The following JAKMIP2 variants were observed in gnomAD, a reference collection of about 807,000 sequenced individuals.
JAKMIP2 encodes the protein janus kinase and microtubule interacting protein 2.
A neutral mutation model predicts 115.0 loss-of-function variants in JAKMIP2; 25 were observed. The observed-to-expected ratio is 0.22, with a 90% CI of 0.16 to 0.30. The LOEUF is 0.30. Among genes scored for constraint, JAKMIP2 ranks in the 10% least tolerant of loss-of-function variants. JAKMIP2 has a pLI of 1.00. For missense variants in JAKMIP2, 642 were observed against 957.6 expected (o/e 0.67, Z 4.35); for synonymous variants, 334 against 343.6 (o/e 0.97, Z 0.31).
intron 19 of JAKMIP2, among the ~76,000 whole-genome samples, chr5:147,614,115 A>T (rs948746460): frequency 2.6e-5 from 4 of 152,222 alleles, no homozygotes; most frequent in Admixed American, 2.0e-4. Context: ...AAATTACTGC[A>T]GTATCCATTC....
rs146240728 is a variant in JAKMIP2, at chr5:147,660,987, C to A, written c.588G>T (p.Ser196=). 5 of 1,613,866 alleles carry A rather than the reference C, an allele frequency of 3.1e-6. No homozygotes were observed. Among genetic ancestry groups the A allele is most frequent in the South Asian group, 1.1e-5 (1 of 91,040 alleles). The change falls in exon 3 of 22, where the codon TCG becomes TCT. Residue 196 remains serine, a synonymous_variant. Transcript: ENST00000616793. The stretch of plus-strand genomic sequence containing the variant: ...CCCGCTCCGACTCCCACTTGATCTT[C>A]GAGATGGCTTCTTGGTGGGACTGAT... The part of the protein sequence containing the change: ...SEHQSHQEAI[S]KIKWESERDI...
intron 1 of JAKMIP2, among the ~76,000 whole-genome samples, chr5:147,675,104 A>T (rs1486545438): frequency 6.6e-6 from 1 of 152,250 alleles, no homozygotes; most frequent in Non-Finnish European, 1.5e-5. Context: ...AAATGTGCAA[A>T]GGGACAGATA....
intron 1 of JAKMIP2, among the ~76,000 whole-genome samples, chr5:147,772,023 G>A (rs1215275203): frequency 6.6e-6 from 1 of 152,010 alleles, no homozygotes; most frequent in East Asian, 1.9e-4. Flanking sequence ...ACATGTGAAT[G>A]GAAAGATCTG....
At chr5:147,729,773 CA>C (rs368040956) in intron 1 of JAKMIP2, among the ~76,000 whole-genome samples, 19,761 of 83,916 alleles carry the variant, frequency 0.24, 1,286 homozygotes, top group Middle Eastern at 0.35. Context: ...GACTCTGTCT[CA>C]AAAAAAAAAA....
intron 1 of JAKMIP2, among the ~76,000 whole-genome samples, chr5:147,766,461 G>A (rs1057329487): frequency 7.9e-5 from 12 of 152,112 alleles, no homozygotes; most frequent in African/African-American, 2.9e-4. Flanking sequence ...CAATCAGCTG[G>A]TAGCTGAACA....
intron 20 of JAKMIP2, among the ~76,000 whole-genome samples, chr5:147,604,373 A>T (rs565571591): frequency 5.3e-5 from 8 of 152,196 alleles, no homozygotes; most frequent in African/African-American, 1.9e-4. Context: ...TTCCTCATGG[A>T]ACCCATGGGA....
intron 17 of JAKMIP2, among the ~76,000 whole-genome samples, chr5:147,621,082 A>T (rs1756826527): frequency 6.6e-6 from 1 of 152,236 alleles, no homozygotes; most frequent in Non-Finnish European, 1.5e-5. Context: ...ATATTTTTGT[A>T]AGAATGTGAT....
chr5:147,648,572 C>T, intron 4 of JAKMIP2, 98 bp from the exon 5 acceptor site: 1 of 689,430 alleles, frequency 1.5e-6, no homozygotes, highest in Non-Finnish European at 2.6e-6. Context: ...GCTCAGTTCT[C>T]TTATCTGGCT....
At chr5:147,717,823 T>C (rs368473494) in intron 1 of JAKMIP2, among the ~76,000 whole-genome samples, 306 of 98,282 alleles carry the variant, frequency 3.1e-3, no homozygotes, top group Non-Finnish European at 4.8e-3. Context: ...CTTTTCCTAA[T>C]TGAATACCCT....
At chr5:147,708,708 G>A (rs1464739821) in intron 1 of JAKMIP2, among the ~76,000 whole-genome samples, 1 of 152,136 alleles carries the variant, frequency 6.6e-6, no homozygotes, top group African/African-American at 2.4e-5. Context: ...AAAGACGGTA[G>A]TAAATCAATG....
intron 1 of JAKMIP2, among the ~76,000 whole-genome samples, chr5:147,708,922 T>C (rs1267590999): frequency 4.6e-5 from 7 of 152,212 alleles, no homozygotes; most frequent in Non-Finnish European, 1.0e-4. Flanking sequence ...CCTTACTCTT[T>C]AGAGATGCAG....
chr5:147,728,062 T>G (rs1753588712), intron 1 of JAKMIP2, among the ~76,000 whole-genome samples: 1 of 152,210 alleles, frequency 6.6e-6, no homozygotes, highest in East Asian at 1.9e-4. Flanking sequence ...TGTTTTGCTT[T>G]GCTTTATCTG....
chr5:147,707,513 GAGTGACGC>G (rs1324080566), intron 1 of JAKMIP2, among the ~76,000 whole-genome samples: 1 of 151,900 alleles, frequency 6.6e-6, no homozygotes, highest in Non-Finnish European at 1.5e-5. Context: ...CATTATCTCA[GAGTGACGC>G]AGCCCCCTCC....
chr5:147,728,866 G>C (rs1413297934), intron 1 of JAKMIP2, among the ~76,000 whole-genome samples: 1 of 152,120 alleles, frequency 6.6e-6, no homozygotes, highest in African/African-American at 2.4e-5. Flanking sequence ...TCCTAGATAC[G>C]GTATGGGGAC....
chr5:147,612,781 A>G (rs779527465), intron 19 of JAKMIP2, among the ~76,000 whole-genome samples: 16 of 152,212 alleles, frequency 1.1e-4, no homozygotes, highest in Admixed American at 9.2e-4. Context: ...AGTAGACAGC[A>G]AGAAACAAGC....
chr5:147,677,497 C>A (rs943798458), intron 1 of JAKMIP2, among the ~76,000 whole-genome samples: 7 of 152,164 alleles, frequency 4.6e-5, no homozygotes, highest in Non-Finnish European at 8.8e-5. Flanking sequence ...TCAGCAGAGG[C>A]AAATGCAGCC....
Position 147,691,832 on chromosome 5 carries a change from G to T in JAKMIP2, c.-148-19878C>A, listed in dbSNP as rs373958770. ...TGCATGGGAGCGGTTAAGCAGCGCCGTGGGTGACTCCTTGAGACTTTTTGC... is the reference window on the plus strand; with the variant it reads ...TGCATGGGAGCGGTTAAGCAGCGCCTTGGGTGACTCCTTGAGACTTTTTGC... On this transcript the variant is annotated intron_variant, in intron 1 of 21. Coordinates refer to ENST00000616793, the MANE Select transcript of JAKMIP2 (RefSeq NM_001270941.2). Among the ~76,000 whole-genome samples the T allele has an allele frequency of 2.8e-4, 42 of 152,080 alleles. No individual in the cohort carries two copies. In the East Asian group the frequency reaches 3.5e-3, roughly 13 times the overall value.
At chr5:147,761,342 A>C (rs1249452649) in intron 1 of JAKMIP2, among the ~76,000 whole-genome samples, 1 of 152,102 alleles carries the variant, frequency 6.6e-6, no homozygotes, top group Non-Finnish European at 1.5e-5. Context: ...TAATGTATTT[A>C]ATACTGAAAA....
Position 147,711,812 on chromosome 5 carries a change from C to T in JAKMIP2, c.-148-39858G>A, listed in dbSNP as rs149966523. Among the ~76,000 whole-genome samples the T allele has an allele frequency of 4.2e-4, 64 of 152,212 alleles. 2 individuals are homozygous for T. In the East Asian group the frequency reaches 9.7e-3, roughly 23 times the overall value. On this transcript the variant is annotated intron_variant, in intron 1 of 21. Coordinates refer to ENST00000616793, the MANE Select transcript of JAKMIP2 (RefSeq NM_001270941.2). ...CCTCTCCAGTAGCAAGGATTATAGG[C>T]GCACACCACCACACCTGGCTAATTT... is the stretch of plus-strand genomic sequence containing the variant.
Sources: allele counts gnomAD v4.1 joint callset (sites outside exome capture counted in the v4.1 genomes callset), GRCh38; gene constraint gnomAD v4.1.1; transcripts MANE v1.5; gene names NCBI Gene and HGNC (gene_info 2026-07-23, HGNC 2026-07-21).